Variants in FGF12 observed in about 807,000 individuals in gnomAD.
FGF12 encodes fibroblast growth factor 12B.
Under a neutral mutation model 23.6 loss-of-function variants are expected in FGF12, and 14 were observed. The observed-to-expected ratio is 0.59, with a 90% CI of 0.39 to 0.93. FGF12 has a LOEUF of 0.93. FGF12 is among the 40% of genes least tolerant of loss of function. The pLI, the probability that FGF12 is intolerant of heterozygous loss-of-function variation, is 0.00. For synonymous variants in FGF12, 62 were observed against 77.3 expected (o/e 0.80, Z 1.04); for missense variants, 175 against 217.8 (o/e 0.80, Z 1.24).
chr3:192,594,638 A>G lies in FGF12; in HGVS notation c.13+132543T>C, dbSNP rs575479863. Among the ~76,000 whole-genome samples, 91 of 151,884 alleles carry G rather than the reference A, an allele frequency of 6.0e-4. 2 individuals are homozygous for G. Among genetic ancestry groups the G allele is most frequent in the Non-Finnish European group, 1.1e-3 (77 of 67,890 alleles). ...TAGGATCAGATAAGGTCTGATCCTA[A>G]ACAGAGTTGGGCCCCCATGATGGGA... is the stretch of plus-strand genomic sequence containing the variant. On this transcript the variant is annotated intron_variant, in intron 2 of 5. Coordinates refer to ENST00000445105, the MANE Select transcript of FGF12 (RefSeq NM_004113.6).
At chr3:192,227,539 C>A (rs1718799085) in intron 4 of FGF12, among the ~76,000 whole-genome samples, 1 of 148,050 alleles carries the variant, frequency 6.8e-6, no homozygotes, top group African/African-American at 2.5e-5. Flanking sequence ...TTACTTCTAC[C>A]TGGTAAAGCT....
chr3:192,155,175 C>T (rs955121152), intron 5 of FGF12, among the ~76,000 whole-genome samples: 68 of 151,884 alleles, frequency 4.5e-4, no homozygotes, highest in Non-Finnish European at 8.0e-4. Context: ...CTTCGGCTCG[C>T]GCACGGTGCG....
chr3:192,636,980 C>T (rs1715606665), intron 2 of FGF12, among the ~76,000 whole-genome samples: 1 of 152,086 alleles, frequency 6.6e-6, no homozygotes, highest in African/African-American at 2.4e-5. Context: ...GAGCTATGGG[C>T]CTGCACAGAA....
At chr3:192,232,946 T>C (rs1054045521) in intron 4 of FGF12, among the ~76,000 whole-genome samples, 6 of 152,194 alleles carry the variant, frequency 3.9e-5, no homozygotes, top group Admixed American at 3.3e-4. Flanking sequence ...CTTTATCCGG[T>C]CCACTGTTGA....
chr3:192,195,183 T>A (rs1226118290), intron 4 of FGF12, among the ~76,000 whole-genome samples: 1 of 152,246 alleles, frequency 6.6e-6, no homozygotes, highest in South Asian at 2.1e-4. Flanking sequence ...ATTTTTTTTA[T>A]ATGTAATGTA....
chr3:192,255,827 C>T (rs966867240), intron 4 of FGF12, among the ~76,000 whole-genome samples: 1 of 152,134 alleles, frequency 6.6e-6, no homozygotes, highest in South Asian at 2.1e-4. Context: ...ATTATTAAGT[C>T]TATGGAACAT....
chr3:192,211,339 T>C (rs1316919352), intron 4 of FGF12, among the ~76,000 whole-genome samples: 2 of 152,194 alleles, frequency 1.3e-5, no homozygotes, highest in East Asian at 3.8e-4. Context: ...GAGAACACTT[T>C]GGATGGAGCA....
At chr3:192,711,361 C>CGGGA (rs1718668997) in intron 2 of FGF12, among the ~76,000 whole-genome samples, 1 of 151,732 alleles carries the variant, frequency 6.6e-6, no homozygotes, top group Non-Finnish European at 1.5e-5. Context: ...CCGTCCCGTC[C>CGGGA]GGGAGGTGGG....
intron 2 of FGF12, among the ~76,000 whole-genome samples, chr3:192,399,417 C>T (rs1200446621): frequency 1.3e-5 from 2 of 152,178 alleles, no homozygotes; most frequent in Non-Finnish European, 2.9e-5. Context: ...GAATGCCAGC[C>T]TCTCGAACTG....
intron 2 of FGF12, among the ~76,000 whole-genome samples, chr3:192,546,825 A>G (rs990791674): frequency 1.1e-4 from 17 of 152,182 alleles, no homozygotes; most frequent in Non-Finnish European, 2.2e-4. Context: ...TGAGGTGGGC[A>G]GAGCCCTTGA....
At chr3:192,216,190 T>G (rs1458585036) in intron 4 of FGF12, among the ~76,000 whole-genome samples, 1 of 152,232 alleles carries the variant, frequency 6.6e-6, no homozygotes, top group Non-Finnish European at 1.5e-5. Context: ...TCCTCCCATT[T>G]ACATTTCTCC....
intron 2 of FGF12, among the ~76,000 whole-genome samples, chr3:192,634,348 A>T (rs1488619792): frequency 6.6e-6 from 1 of 152,228 alleles, no homozygotes; most frequent in African/African-American, 2.4e-5. Context: ...AATTAAATTT[A>T]AAAATAATAC....
chr3:192,304,187 A>AC (rs144233135), intron 4 of FGF12, among the ~76,000 whole-genome samples: 4,266 of 152,210 alleles, frequency 0.028, 158 homozygotes, highest in South Asian at 0.17. Context: ...ATTCTATAGA[A>AC]CCCAAAAACA....
At chr3:192,569,657 A>T (rs547080340) in intron 2 of FGF12, among the ~76,000 whole-genome samples, 2 of 152,352 alleles carry the variant, frequency 1.3e-5, no homozygotes, top group East Asian at 3.9e-4. Context: ...TTCTCATTTT[A>T]CGGAAGAGGA....
chr3:192,164,920 T>C (rs1443961488), intron 5 of FGF12, among the ~76,000 whole-genome samples: 1 of 152,204 alleles, frequency 6.6e-6, no homozygotes, highest in African/African-American at 2.4e-5. Flanking sequence ...ACCTGCCCTA[T>C]GGAAAAATAT....
At chr3:192,204,309 G>T (rs1022011510) in intron 4 of FGF12, among the ~76,000 whole-genome samples, 3 of 152,096 alleles carry the variant, frequency 2.0e-5, no homozygotes, top group Non-Finnish European at 4.4e-5. Flanking sequence ...TGATGGAAAT[G>T]GTATACCTCT....
chr3:192,282,552 A>G (rs879308551), intron 4 of FGF12, among the ~76,000 whole-genome samples: 13 of 152,148 alleles, frequency 8.5e-5, no homozygotes, highest in Admixed American at 2.0e-4. Context: ...GTAAATGACT[A>G]TATCTTTGTT....
intron 2 of FGF12, among the ~76,000 whole-genome samples, chr3:192,440,913 T>A (rs1201017601): frequency 6.6e-6 from 1 of 152,186 alleles, no homozygotes; most frequent in Non-Finnish European, 1.5e-5. Context: ...ATAGAATTTC[T>A]CTCCAAGTTG....
At chr3:192,563,113 T>C (rs937450882) in intron 2 of FGF12, among the ~76,000 whole-genome samples, 7 of 152,248 alleles carry the variant, frequency 4.6e-5, no homozygotes, top group African/African-American at 1.7e-4. Context: ...CTTTTTTATG[T>C]GATTTTGAGA....
Sources: allele counts gnomAD v4.1 joint callset (sites outside exome capture counted in the v4.1 genomes callset), GRCh38; gene constraint gnomAD v4.1.1; transcripts MANE v1.5; gene names NCBI Gene and HGNC (gene_info 2026-07-23, HGNC 2026-07-21).